Variants in BRMS1L observed in about 807,000 individuals in gnomAD.
The protein encoded by BRMS1L is breast cancer metastasis-suppressor 1-like protein.
A neutral mutation model predicts 50.3 loss-of-function variants in BRMS1L; 23 were observed. The observed-to-expected ratio is 0.46, with a 90% CI of 0.33 to 0.65. BRMS1L has a LOEUF of 0.65. Among genes scored for constraint, BRMS1L ranks in the 30% least tolerant of loss-of-function variants. The pLI is 0.02. For missense variants in BRMS1L, 286 were observed against 386.1 expected (o/e 0.74, Z 2.17); for synonymous variants, 114 against 126.9 (o/e 0.90, Z 0.69).
chr14:35,854,987 G>T (rs1481689756), intron 4 of BRMS1L, among the ~76,000 whole-genome samples: 2 of 152,236 alleles, frequency 1.3e-5, no homozygotes, highest in African/African-American at 4.8e-5. Flanking sequence ...CCCTCTTACT[G>T]CCTAGGCAGA....
intron 4 of BRMS1L, among the ~76,000 whole-genome samples, chr14:35,857,948 A>T (rs1594342356): frequency 7.3e-6 from 1 of 137,866 alleles, no homozygotes; most frequent in Admixed American, 7.6e-5. Flanking sequence ...AGTTGTATTG[A>T]TTTTTCATGA....
intron 2 of BRMS1L, 96 bp downstream of exon 2, chr14:35,831,596 G>C: frequency 1.1e-6 from 1 of 901,930 alleles, no homozygotes; most frequent in Non-Finnish European, 1.8e-6. Context: ...CAGCTGTTTT[G>C]TATTTTATGC....
chr14:35,869,768 C>T (rs1056672038), intron 9 of BRMS1L, among the ~76,000 whole-genome samples: 4 of 151,930 alleles, frequency 2.6e-5, no homozygotes, highest in East Asian at 1.9e-4. Flanking sequence ...ATCACTTGAA[C>T]CGGGGAGGTG....
At position 35,841,359 on chromosome 14, in the gene BRMS1L, C is replaced by T. The variant is rs139193458; in HGVS notation, c.441+6436C>T. ...ATGGAGTCTTGCTCTGTCCCCCAGGCGCAATCTCGGCTCACTGCAAGCTCT... is the reference window on the plus strand; with the variant it reads ...ATGGAGTCTTGCTCTGTCCCCCAGGTGCAATCTCGGCTCACTGCAAGCTCT... On this transcript the variant is annotated intron_variant, in intron 4 of 9. Transcript: ENST00000216807. Among the ~76,000 whole-genome samples, 364 of 151,894 alleles carry T rather than the reference C, an allele frequency of 2.4e-3. 3 individuals carry two copies. Among genetic ancestry groups the T allele is most frequent in the African/African-American group, 8.0e-3 (330 of 41,402 alleles).
intron 4 of BRMS1L, among the ~76,000 whole-genome samples, chr14:35,840,504 T>G (rs1031457008): frequency 1.4e-5 from 2 of 146,736 alleles, no homozygotes; most frequent in East Asian, 4.4e-4. Context: ...GGTCCTGGGC[T>G]TTTTTTGGTT....
At chr14:35,870,011 A>G (rs2078468773) in intron 9 of BRMS1L, among the ~76,000 whole-genome samples, 1 of 151,884 alleles carries the variant, frequency 6.6e-6, no homozygotes, top group Non-Finnish European at 1.5e-5. Context: ...AGATACTGAC[A>G]TGAGTTACAA....
intron 4 of BRMS1L, among the ~76,000 whole-genome samples, chr14:35,857,067 C>T (rs1192488860): frequency 6.6e-6 from 1 of 151,504 alleles, no homozygotes; most frequent in African/African-American, 2.4e-5. Context: ...ATGATGAAAC[C>T]CCGTCTGTAC....
intron 4 of BRMS1L, among the ~76,000 whole-genome samples, chr14:35,859,066 C>G (rs946397335): frequency 2.0e-5 from 3 of 151,644 alleles, no homozygotes; most frequent in African/African-American, 7.3e-5. Flanking sequence ...CTCAGCCTGC[C>G]GAGTAGCTGG....
At chr14:35,860,654 G>C (rs1315472662) in intron 4 of BRMS1L, among the ~76,000 whole-genome samples, 1 of 152,052 alleles carries the variant, frequency 6.6e-6, no homozygotes, top group African/African-American at 2.4e-5. Context: ...AATCTTCCAG[G>C]GCTCCAGTCC....
chr14:35,862,555 C>A, intron 4 of BRMS1L, 35 bp from the exon 5 acceptor site: 4 of 1,447,934 alleles, frequency 2.8e-6, no homozygotes, highest in South Asian at 1.5e-5. Context: ...CAATTTTTTT[C>A]TTTCTACTTA....
chr14:35,826,723 C>T (rs912650671), intron 1 of BRMS1L, 65 bp downstream of exon 1: 29 of 1,580,442 alleles, frequency 1.8e-5, no homozygotes, highest in East Asian at 1.6e-4. Flanking sequence ...GCTCTCCGCA[C>T]GCCAGGCGGC....
At position 35,826,398 on chromosome 14, in the gene BRMS1L, A is replaced by C; in HGVS notation, c.-119A>C. The C allele has an allele frequency of 6.9e-7, 1 of 1,442,486 alleles. No individual in the cohort carries two copies. The highest frequency in any genetic ancestry group is 2.2e-5 in the Admixed American group (1 of 46,488). The allele number at this position is 1,442,486 out of a possible 1,614,324, so 89.4% of individuals were successfully genotyped here. The stretch of plus-strand genomic sequence containing the variant: ...GAGGCCCGGGCCGGGGGCGGGGAGG[A>C]GCCAAGGGGGCGAGCAAGCTCGGTG... On this transcript the variant is annotated 5_prime_UTR_variant, in exon 1 of 10. Coordinates refer to ENST00000216807, the MANE Select transcript of BRMS1L (RefSeq NM_032352.4).
chr14:35,865,791 T>G (rs186430475), intron 8 of BRMS1L, 30 bp downstream of exon 8: 1 of 1,590,552 alleles, frequency 6.3e-7, no homozygotes, highest in African/African-American at 1.4e-5. Context: ...TTGGGAAATA[T>G]TCTCTTTGGA....
intron 8 of BRMS1L, among the ~76,000 whole-genome samples, chr14:35,866,747 C>T (rs1249647333): frequency 1.3e-5 from 2 of 152,054 alleles, no homozygotes; most frequent in Non-Finnish European, 2.9e-5. Flanking sequence ...TTCCTTTAAA[C>T]TTTTTATTTT....
chr14:35,831,722 C>A lies in BRMS1L; in HGVS notation c.233+222C>A, dbSNP rs148117137. On this transcript the variant is annotated intron_variant, in intron 2 of 9. Coordinates refer to ENST00000216807, the MANE Select transcript of BRMS1L (RefSeq NM_032352.4). ...TGGGCTTGAACCCAGGAGTTGGAGA[C>A]CAGCCTGGGCAACATCGGAAGACCT... Among the ~76,000 whole-genome samples, 635 of 152,110 alleles carry A rather than the reference C, an allele frequency of 4.2e-3. 3 individuals are homozygous for A. The highest frequency in any genetic ancestry group is 0.014 in the African/African-American group (583 of 41,498).
rs2077843001 is a variant in BRMS1L at position 35,826,435 on chromosome 14, TG to T, written c.-78del. ...GAGCAAGCTCGGTGGCTGGGTGGGT[TG>T]GGGCGTTCCGCGCGCCCTTCATTGA... On this transcript the variant is annotated 5_prime_UTR_variant, in exon 1 of 10. Transcript: ENST00000216807. 24 of 1,538,980 alleles carry T rather than the reference TG, an allele frequency of 1.6e-5. 1 individual carries two copies. The South Asian group carries it at 2.9e-4, about 18-fold the overall frequency.
chr14:35,844,431 C>G (rs1368093794), intron 4 of BRMS1L, among the ~76,000 whole-genome samples: 4 of 152,114 alleles, frequency 2.6e-5, no homozygotes, highest in African/African-American at 9.7e-5. Flanking sequence ...CTCCCCTTGG[C>G]TAGGGGAGGG....
chr14:35,839,736 T>C (rs573342656), intron 4 of BRMS1L, among the ~76,000 whole-genome samples: 11 of 152,364 alleles, frequency 7.2e-5, no homozygotes, highest in South Asian at 2.1e-4. Flanking sequence ...CCTGAGACTT[T>C]CCTGAAGTTG....
chr14:35,857,822 G>T (rs1335522155), intron 4 of BRMS1L, among the ~76,000 whole-genome samples: 1 of 150,258 alleles, frequency 6.7e-6, no homozygotes, highest in Non-Finnish European at 1.5e-5. Context: ...ATTAATAATT[G>T]CTTCATTTAT....
Sources: allele counts gnomAD v4.1 joint callset (sites outside exome capture counted in the v4.1 genomes callset), GRCh38; gene constraint gnomAD v4.1.1; transcripts MANE v1.5; gene names NCBI Gene and HGNC (gene_info 2026-07-23, HGNC 2026-07-21).